The following EPC1 variants were observed in gnomAD, a reference collection of about 807,000 sequenced individuals.
EPC1 encodes the protein enhancer of polycomb homolog 1.
Under a neutral mutation model 98.4 loss-of-function variants are expected in EPC1, and 12 were observed. The ratio of observed to expected loss-of-function variants is 0.12; its 90% confidence interval spans 0.08 to 0.20. The LOEUF (loss-of-function observed/expected upper bound fraction) is 0.20, where lower values mean the gene tolerates loss of function less well. Among genes scored for constraint, EPC1 ranks in the 10% least tolerant of loss-of-function variants. The pLI, the probability that EPC1 is intolerant of heterozygous loss-of-function variation, is 1.00. For missense variants in EPC1, 729 were observed against 990.5 expected, an observed-to-expected ratio of 0.74 and a Z score of 3.54; for synonymous variants, 357 against 363.9, an observed-to-expected ratio of 0.98 and a Z score of 0.21.
intron 1 of EPC1, among the ~76,000 whole-genome samples, chr10:32,371,110 A>C (rs1268426085): frequency 6.6e-6 from 1 of 152,238 alleles, no homozygotes; most frequent in Non-Finnish European, 1.5e-5. Flanking sequence ...TTGACAAATG[A>C]ATGAACACCT....
At chr10:32,272,428 T>C (rs1835891674) in intron 11 of EPC1, among the ~76,000 whole-genome samples, 1 of 152,178 alleles carries the variant, frequency 6.6e-6, no homozygotes, top group Non-Finnish European at 1.5e-5. Context: ...ATTACCAAAA[T>C]AAGCCTTCTA....
intron 1 of EPC1, among the ~76,000 whole-genome samples, chr10:32,368,875 C>T (rs945593240): frequency 1.3e-5 from 2 of 152,184 alleles, no homozygotes; most frequent in Non-Finnish European, 1.5e-5. Flanking sequence ...TGCACAAACT[C>T]ATTGTGTTCT....
chr10:32,287,780 CA>C (rs1301877749), intron 6 of EPC1, among the ~76,000 whole-genome samples: 3 of 152,190 alleles, frequency 2.0e-5, no homozygotes, highest in African/African-American at 7.2e-5. Flanking sequence ...AGGGGTTATA[CA>C]AATAAAGAGT....
At position 32,303,134 on chromosome 10, in the gene EPC1, T is replaced by C. The variant is rs117857061; in HGVS notation, c.313+2638A>G. 8.7e-3 allele frequency among the ~76,000 whole-genome samples: 1,323 copies of C among 152,292 alleles called. 7 individuals are homozygous for C. Among genetic ancestry groups the C allele is most frequent in the Non-Finnish European group, 0.014 (976 of 68,022 alleles). ...GCCTGGCCAATATGGTGAAACCCTA[T>C]TTCTACTAAAAGTACAAAATTAGCC... is the stretch of plus-strand genomic sequence containing the variant. On this transcript the variant is annotated intron_variant, in intron 2 of 13. Transcript: ENST00000319778.
chr10:32,312,530 C>T (rs1295740529), intron 1 of EPC1, among the ~76,000 whole-genome samples: 1 of 152,044 alleles, frequency 6.6e-6, no homozygotes, highest in Non-Finnish European at 1.5e-5. Flanking sequence ...ATAGCATGTA[C>T]CATCCTCTGA....
At chr10:32,319,132 C>T (rs147631297) in intron 1 of EPC1, among the ~76,000 whole-genome samples, 117 of 152,256 alleles carry the variant, frequency 7.7e-4, no homozygotes, top group African/African-American at 2.6e-3. Context: ...ATGTCTACCC[C>T]GCTTTTGGAA....
intron 1 of EPC1, among the ~76,000 whole-genome samples, chr10:32,330,514 A>G (rs1370911232): frequency 6.6e-6 from 1 of 152,172 alleles, no homozygotes; most frequent in African/African-American, 2.4e-5. Flanking sequence ...ACACACATGT[A>G]TTAGGGATGG....
chr10:32,272,341 A>C, intron 11 of EPC1, 174 bp from the exon 12 acceptor site: 1 of 542,422 alleles, frequency 1.8e-6, no homozygotes, highest in Non-Finnish European at 3.2e-6. Context: ...TTTGATAGTC[A>C]TATATTTGAT....
At chr10:32,336,849 G>C (rs1347466800) in intron 1 of EPC1, among the ~76,000 whole-genome samples, 1 of 152,214 alleles carries the variant, frequency 6.6e-6, no homozygotes, top group Non-Finnish European at 1.5e-5. Flanking sequence ...TCCTTGAGTA[G>C]GAGAGAGGAT....
At position 32,284,852 on chromosome 10, in the gene EPC1, C is replaced by G. The variant is rs1384561361; in HGVS notation, c.1590G>C (p.Arg530Ser). ...NIKSCRWRHF[R>S]PRTPSLHDSD... ...TGTCATGTAGGGATGGTGTCCGAGG[C>G]CTAAAATGCCGCCATCTACATGATT... Residue 530 changes from arginine (R) to serine (S), a missense_variant, in exon 10 of 14, where the codon AGG (arginine) becomes AGC (serine). By Grantham distance (110) the Arg-to-Ser change is moderately radical. Around this residue, in one of 6 missense-constraint regions of EPC1, gnomAD observed 390 missense variants for 438.6 expected, o/e 0.89. Coordinates refer to ENST00000319778, the MANE Select transcript of EPC1 (RefSeq NM_001272004.3). The G allele has an allele frequency of 1.2e-6, 2 of 1,614,146 alleles. No individual in the cohort carries two copies. Among genetic ancestry groups the G allele is most frequent in the Non-Finnish European group, 8.5e-7 (1 of 1,180,036 alleles).
At chr10:32,274,119 CTCT>C (rs1397184472) in intron 10 of EPC1, 1 of 151,260 alleles carries the variant, frequency 6.6e-6, no homozygotes, top group African/African-American at 2.4e-5. Flanking sequence ...AAACCTTTTT[CTCT>C]TTTTTGCCAA....
intron 1 of EPC1, among the ~76,000 whole-genome samples, chr10:32,345,878 C>T (rs1838744707): frequency 1.3e-5 from 2 of 152,138 alleles, no homozygotes; most frequent in South Asian, 4.1e-4. Context: ...TTTTCTCCCC[C>T]TATGTTGAGA....
At chr10:32,315,711 G>A (rs1026620277) in intron 1 of EPC1, among the ~76,000 whole-genome samples, 10 of 152,152 alleles carry the variant, frequency 6.6e-5, no homozygotes, top group African/African-American at 1.9e-4. Flanking sequence ...TAACTCTATG[G>A]AGGAACACTG....
At chr10:32,290,051 C>T (rs1416620515) in intron 6 of EPC1, among the ~76,000 whole-genome samples, 1 of 152,150 alleles carries the variant, frequency 6.6e-6, no homozygotes, top group Non-Finnish European at 1.5e-5. Context: ...TTTATTTCCT[C>T]TCACAAATTT....
At chr10:32,304,918 T>TAAAAAAAAAAAAA (rs11351207) in intron 2 of EPC1, among the ~76,000 whole-genome samples, 2 of 119,408 alleles carry the variant, frequency 1.7e-5, no homozygotes, top group African/African-American at 6.3e-5. Flanking sequence ...AACTCCGTCT[T>TAAAAAAAAAAAAA]AAAAAAAAAA....
chr10:32,377,830 C>A (rs1001726913), intron 1 of EPC1, among the ~76,000 whole-genome samples: 5 of 151,256 alleles, frequency 3.3e-5, no homozygotes, highest in African/African-American at 9.7e-5. Context: ...TAGAAAAATG[C>A]CAAAAATTAC....
chr10:32,376,047 T>C (rs1839865416), intron 1 of EPC1, among the ~76,000 whole-genome samples: 1 of 152,028 alleles, frequency 6.6e-6, no homozygotes, highest in South Asian at 2.1e-4. Context: ...TATAAAATAG[T>C]GAACTGTTTT....
chr10:32,282,112 C>G (rs920761395), intron 10 of EPC1: 3 of 151,950 alleles, frequency 2.0e-5, no homozygotes, highest in African/African-American at 7.3e-5. Context: ...TATAAATGAA[C>G]AGTGTTACCC....
At chr10:32,365,486 C>A (rs1427940485) in intron 1 of EPC1, among the ~76,000 whole-genome samples, 1 of 152,124 alleles carries the variant, frequency 6.6e-6, no homozygotes, top group Non-Finnish European at 1.5e-5. Context: ...ACTCTAACCA[C>A]TTTCACAATT....
Sources: allele counts gnomAD v4.1 joint callset (sites outside exome capture counted in the v4.1 genomes callset), GRCh38; gene constraint gnomAD v4.1.1; regional missense constraint gnomAD v4.1.1; transcripts MANE v1.5; gene names NCBI Gene and HGNC (gene_info 2026-07-23, HGNC 2026-07-21).